GRAP2: variants seen among roughly 807,000 people sequenced by gnomAD.
GRAP2 encodes GRB2-related adapter protein 2.
GRAP2 carries 31 observed loss-of-function variants against 43.5 expected under a neutral mutation model. The ratio of observed to expected loss-of-function variants is 0.71; its 90% confidence interval spans 0.54 to 0.96. The LOEUF (loss-of-function observed/expected upper bound fraction) is 0.96, where lower values mean the gene tolerates loss of function less well. Among genes scored for constraint, GRAP2 ranks in the 40% least tolerant of loss-of-function variants. The pLI, the probability that GRAP2 is intolerant of heterozygous loss-of-function variation, is 0.00. For missense variants in GRAP2, 371 were observed against 424.4 expected, an observed-to-expected ratio of 0.87 and a Z score of 1.11; for synonymous variants, 156 against 164.8, an observed-to-expected ratio of 0.95 and a Z score of 0.41.
At chr22:39,932,648 T>G (rs2066767653) in intron 1 of GRAP2, among the ~76,000 whole-genome samples, 1 of 150,102 alleles carries the variant, frequency 6.7e-6, no homozygotes. Flanking sequence ...AACCTGGGAG[T>G]TGGAGGCTGC....
At chr22:39,908,037 T>C (rs1039941387) in intron 1 of GRAP2, among the ~76,000 whole-genome samples, 3 of 152,236 alleles carry the variant, frequency 2.0e-5, no homozygotes, top group African/African-American at 7.2e-5. Context: ...CTACCAGAGC[T>C]ACCCACGTGA....
At chr22:39,910,464 A>G (rs2066553188) in intron 1 of GRAP2, among the ~76,000 whole-genome samples, 1 of 151,450 alleles carries the variant, frequency 6.6e-6, no homozygotes, top group African/African-American at 2.4e-5. Context: ...GCTGGAGTGC[A>G]GTGGCGCAAT....
At chr22:39,911,443 A>T (rs748121150) in intron 1 of GRAP2, among the ~76,000 whole-genome samples, 62 of 151,698 alleles carry the variant, frequency 4.1e-4, no homozygotes, top group Middle Eastern at 3.4e-3. Flanking sequence ...GACTACAAAG[A>T]TCTTATAGTT....
At chr22:39,907,422 C>A (rs2066530863) in intron 1 of GRAP2, among the ~76,000 whole-genome samples, 1 of 152,172 alleles carries the variant, frequency 6.6e-6, no homozygotes, top group Admixed American at 6.5e-5. Context: ...GAAAAATTGT[C>A]TTTCTCTAGA....
chr22:39,969,495 C>T lies in GRAP2; in HGVS notation c.775C>T (p.Arg259Trp). Residue 259 changes from arginine to tryptophan, a missense_variant, in exon 7 of 8, where the codon CGG becomes TGG. Arg to Trp is a moderately radical substitution (Grantham distance 101, BLOSUM62 -3). Transcript: ENST00000344138. ...GSEMNAALMH[R>W]RHTDPVQLQA... is the part of the protein sequence containing the mutation. ...TGAAATGAATGCGGCCCTCATGCAT[C>T]GGAGACACACAGACCCAGTGCAGCT... The T allele has an allele frequency of 1.2e-6, 2 of 1,614,004 alleles. No homozygotes were observed. Among genetic ancestry groups the T allele is most frequent in the Non-Finnish European group, 8.5e-7 (1 of 1,179,924 alleles).
chr22:39,913,972 C>T (rs781316886), intron 1 of GRAP2, among the ~76,000 whole-genome samples: 7 of 152,100 alleles, frequency 4.6e-5, no homozygotes, highest in East Asian at 1.9e-4. Flanking sequence ...CACAAACTGC[C>T]GTCTGCAACT....
chr22:39,903,648 T>C (rs563192482), intron 1 of GRAP2, among the ~76,000 whole-genome samples: 42 of 151,986 alleles, frequency 2.8e-4, no homozygotes, highest in Non-Finnish European at 2.1e-4. Flanking sequence ...TGGCTAATAT[T>C]GTATTTTTAG....
intron 1 of GRAP2, among the ~76,000 whole-genome samples, chr22:39,905,491 T>A (rs2066517320): frequency 6.6e-6 from 1 of 152,202 alleles, no homozygotes; most frequent in African/African-American, 2.4e-5. Context: ...ATTCTTTTTG[T>A]GCTTCAGTTT....
At chr22:39,936,494 A>C (rs2066807851) in intron 1 of GRAP2, among the ~76,000 whole-genome samples, 1 of 152,214 alleles carries the variant, frequency 6.6e-6, no homozygotes, top group Non-Finnish European at 1.5e-5. Flanking sequence ...GTGTCATTTT[A>C]ATAAGAAAAG....
chr22:39,938,883 C>G (rs1202236651), intron 1 of GRAP2, among the ~76,000 whole-genome samples: 1 of 152,202 alleles, frequency 6.6e-6, no homozygotes, highest in Non-Finnish European at 1.5e-5. Context: ...CCAAGACTTG[C>G]ATCAGCAGCT....
intron 1 of GRAP2, among the ~76,000 whole-genome samples, chr22:39,909,910 G>A (rs573141233): frequency 2.6e-4 from 40 of 152,262 alleles, no homozygotes; most frequent in African/African-American, 9.4e-4. Flanking sequence ...TGTTTATTTT[G>A]CAAACAACAA....
chr22:39,944,332 C>T lies in GRAP2; in HGVS notation c.-14-2761C>T, dbSNP rs191973988. 2.4e-3 allele frequency among the ~76,000 whole-genome samples: 366 copies of T among 152,154 alleles called. 2 individuals carry two copies. Among genetic ancestry groups the T allele is most frequent in the Non-Finnish European group, 4.2e-3 (285 of 68,014 alleles). ...GCATTTTTATGACCAAACAGAAAAC[C>T]GACCCCTGAGGGTGACATATTTACT... On this transcript the variant is annotated intron_variant, in intron 1 of 7. Transcript: ENST00000344138.
upstream of GRAP2, among the ~76,000 whole-genome samples, chr22:39,899,561 A>G (rs1482779500): frequency 7.2e-6 from 1 of 138,648 alleles, no homozygotes; most frequent in African/African-American, 3.2e-5. Flanking sequence ...TTATTTTTAA[A>G]GTAGCAAGAT....
intron 6 of GRAP2, 101 bp downstream of exon 6, chr22:39,968,373 G>T: frequency 7.2e-7 from 1 of 1,396,812 alleles, no homozygotes; most frequent in Non-Finnish European, 9.8e-7. Context: ...AGTTCATGAT[G>T]AAGACCCTGG....
chr22:39,938,187 C>A (rs1436207835), intron 1 of GRAP2, among the ~76,000 whole-genome samples: 3 of 152,122 alleles, frequency 2.0e-5, no homozygotes, highest in Non-Finnish European at 4.4e-5. Context: ...CTACCCCTCC[C>A]TCCAAAACCC....
intron 1 of GRAP2, among the ~76,000 whole-genome samples, chr22:39,932,914 G>A (rs1336342111): frequency 6.6e-6 from 1 of 152,292 alleles, no homozygotes; most frequent in East Asian, 1.9e-4. Context: ...AACTTGCTAA[G>A]GGTCACTCAG....
rs770227702 is a variant in GRAP2 at position 39,968,062 on chromosome 22, G to A, written c.480G>A (p.Leu160=). ...CCCAGGGTCACCGGGGCAACAGCCT[G>A]GACCGGAGGTCCCAGGGAGGCCCAC... ...REDQGHRGNS[L]DRRSQGGPHL... The change falls in exon 6 of 8, where the codon CTG becomes CTA. Residue 160 remains leucine (L), a synonymous_variant. Coordinates refer to ENST00000344138, the MANE Select transcript of GRAP2 (RefSeq NM_004810.4). 4.3e-6 allele frequency: 7 copies of A among 1,612,890 alleles called. No homozygotes were observed. The South Asian group carries it at 6.6e-5, about 15-fold the overall frequency.
intron 1 of GRAP2, among the ~76,000 whole-genome samples, chr22:39,938,472 G>T (rs1306846299): frequency 6.6e-6 from 1 of 152,366 alleles, no homozygotes; most frequent in Admixed American, 6.5e-5. Flanking sequence ...CACAAGGCAA[G>T]GCCATGGGGT....
upstream of GRAP2, among the ~76,000 whole-genome samples, chr22:39,900,144 AG>A (rs1433806204): frequency 6.6e-6 from 1 of 152,256 alleles, no homozygotes; most frequent in Non-Finnish European, 1.5e-5. Context: ...GTTTTAAGAA[AG>A]TAAATTTTAA....
Sources: allele counts gnomAD v4.1 joint callset (sites outside exome capture counted in the v4.1 genomes callset), GRCh38; gene constraint gnomAD v4.1.1; transcripts MANE v1.5; gene names NCBI Gene and HGNC (gene_info 2026-07-23, HGNC 2026-07-21).